Variants in TMLHE observed in about 807,000 individuals in gnomAD.
TMLHE encodes the protein trimethyllysine dioxygenase, mitochondrial.
TMLHE carries 18 observed loss-of-function variants against 25.7 expected under a neutral mutation model. The ratio of observed to expected loss-of-function variants is 0.70; its 90% confidence interval spans 0.48 to 1.04. The LOEUF is 1.04. Ranked by LOEUF, TMLHE falls within the 50% of genes least tolerant of loss-of-function variation. TMLHE has a pLI of 0.00. For missense variants in TMLHE, 236 were observed against 259.0 expected, an observed-to-expected ratio of 0.91 and a Z score of 0.61; for synonymous variants, 105 against 97.0, an observed-to-expected ratio of 1.08 and a Z score of -0.49.
chrX:155,553,809 T>G (rs782058788), intron 1 of TMLHE, among the ~76,000 whole-genome samples: 1 of 110,443 alleles, frequency 9.1e-6, no homozygotes, highest in South Asian at 3.8e-4. Flanking sequence ...TCTTATACAT[T>G]CTTTTACTGT....
chrX:155,585,991 G>A (rs1221861421), intron 1 of TMLHE, among the ~76,000 whole-genome samples: 9 of 111,124 alleles, frequency 8.1e-5, no homozygotes, highest in African/African-American at 2.3e-4. Context: ...TGGGGAGGCC[G>A]AGGCGGGCGG....
At chrX:155,610,157 G>A (rs1156590474) in intron 1 of TMLHE, among the ~76,000 whole-genome samples, 1 of 112,374 alleles carries the variant, frequency 8.9e-6, no homozygotes, top group Non-Finnish European at 1.9e-5. Context: ...CTGATGACTA[G>A]ATAGACAAAA....
intron 2 of TMLHE, among the ~76,000 whole-genome samples, chrX:155,536,852 T>C (rs1383993563): frequency 8.9e-6 from 1 of 112,182 alleles, no homozygotes; most frequent in Non-Finnish European, 1.9e-5. Flanking sequence ...AAGGGAATCT[T>C]CCATCTTTGG....
intron 2 of TMLHE, among the ~76,000 whole-genome samples, chrX:155,529,794 A>G (rs888911664): frequency 8.9e-6 from 1 of 112,088 alleles, no homozygotes; most frequent in Admixed American, 9.5e-5. Context: ...CCTAATCTCT[A>G]GGATATCTTT....
In TMLHE at chrX:155,511,582, T is replaced by A. The variant is rs1179009955; in HGVS notation, c.758+91A>T. ...TACAAATCTGCAGGAGCAGATATGA[T>A]CTTGGTTCGAACAGAATGGAAAATA... On this transcript the variant is annotated intron_variant, in intron 5 of 7. Transcript: ENST00000334398. 16 of 931,677 alleles carry A rather than the reference T, an allele frequency of 1.7e-5. No homozygotes were observed. The African/African-American group carries it at 3.2e-4, about 19-fold the overall frequency. The allele number at this position is 931,677 out of a possible 1,213,427, so 76.8% of individuals were successfully genotyped here.
At chrX:155,560,150 C>G (rs1219850817) in intron 1 of TMLHE, among the ~76,000 whole-genome samples, 3 of 112,173 alleles carry the variant, frequency 2.7e-5, no homozygotes, top group African/African-American at 9.7e-5. Context: ...GTTACATAAT[C>G]TATCTTGCCC....
chrX:155,594,892 A>G (rs1207643544), intron 1 of TMLHE, among the ~76,000 whole-genome samples: 8 of 111,740 alleles, frequency 7.2e-5, no homozygotes, highest in Middle Eastern at 4.6e-3. Context: ...TTTGAACTGC[A>G]TGGGTCCACT....
chrX:155,540,137 T>G (rs2124401378), intron 2 of TMLHE, among the ~76,000 whole-genome samples: 1 of 109,128 alleles, frequency 9.2e-6, no homozygotes, highest in Admixed American at 9.9e-5. Flanking sequence ...TCTGAAGAAA[T>G]GATGGCTGAA....
chrX:155,607,793 T>C (rs2067795615), intron 1 of TMLHE, among the ~76,000 whole-genome samples: 1 of 110,869 alleles, frequency 9.0e-6, no homozygotes, highest in Admixed American at 9.6e-5. Flanking sequence ...AAATAAAAAA[T>C]GCAATCCCAT....
intron 1 of TMLHE, among the ~76,000 whole-genome samples, chrX:155,555,529 T>G (rs2067446008): frequency 9.0e-6 from 1 of 110,637 alleles, no homozygotes; most frequent in South Asian, 3.8e-4. Flanking sequence ...CCACATCCTC[T>G]CCAGCACCTG....
At chrX:155,594,508 G>A (rs781871303) in intron 1 of TMLHE, among the ~76,000 whole-genome samples, 1 of 111,947 alleles carries the variant, frequency 8.9e-6, no homozygotes, top group African/African-American at 3.2e-5. Context: ...TAAAACAGAA[G>A]GCCACTAATT....
chrX:155,512,844 T>C (rs1229801221), intron 4 of TMLHE, among the ~76,000 whole-genome samples: 1 of 112,022 alleles, frequency 8.9e-6, no homozygotes, highest in Non-Finnish European at 1.9e-5. Flanking sequence ...GTACCATTGT[T>C]GTTGTGTCTC....
rs781828989 is a variant in TMLHE, at chrX:155,548,692, G to C, written c.-1-3415C>G. 2.5e-3 allele frequency among the ~76,000 whole-genome samples: 268 copies of C among 107,233 alleles called. 7 individuals carry two copies. Among genetic ancestry groups the C allele is most frequent in the African/African-American group, 9.0e-3 (261 of 28,875 alleles). The allele number at this position is 107,233 out of a possible 115,157, so 93.1% of individuals were successfully genotyped here. A position where few individuals can be genotyped will look rare whatever the true frequency, so the allele number is the denominator to read the frequency against. ...AAAGGTTGCAGTGAGCTGAGATTGT[G>C]CCACTGCACTCCAGCCTGGGCGACA... On this transcript the variant is annotated intron_variant, in intron 1 of 7. Coordinates refer to ENST00000334398, the MANE Select transcript of TMLHE (RefSeq NM_018196.4).
chrX:155,552,326 A>T (rs185734734), intron 1 of TMLHE, among the ~76,000 whole-genome samples: 2 of 109,560 alleles, frequency 1.8e-5, no homozygotes, highest in Admixed American at 9.7e-5. Flanking sequence ...TTCTTTCTTA[A>T]ATTTTGATAG....
chrX:155,543,751 G>C (rs2067326590), intron 2 of TMLHE, among the ~76,000 whole-genome samples: 1 of 112,174 alleles, frequency 8.9e-6, no homozygotes, highest in Non-Finnish European at 1.9e-5. Context: ...TCTTCAAATT[G>C]TGTTATTTCT....
At chrX:155,589,870 C>T (rs1355302081) in intron 1 of TMLHE, among the ~76,000 whole-genome samples, 3 of 111,959 alleles carry the variant, frequency 2.7e-5, no homozygotes, top group African/African-American at 9.7e-5. Context: ...CCATCCTATG[C>T]ATGTAACAAA....
chrX:155,528,134 A>C (rs2067229780), intron 2 of TMLHE, among the ~76,000 whole-genome samples: 2 of 110,462 alleles, frequency 1.8e-5, no homozygotes, highest in South Asian at 7.7e-4. Context: ...GGCTGATTAA[A>C]ATGTGTTTTA....
chrX:155,547,296 C>CCACT (rs2067355234), intron 1 of TMLHE, among the ~76,000 whole-genome samples: 1 of 92,960 alleles, frequency 1.1e-5, no homozygotes, highest in African/African-American at 3.9e-5. Context: ...AGGCACCTGC[C>CCACT]ACCACGCCCG....
intron 1 of TMLHE, among the ~76,000 whole-genome samples, chrX:155,551,579 A>G (rs1557340072): frequency 9.1e-6 from 1 of 109,990 alleles, no homozygotes; most frequent in East Asian, 2.8e-4. Flanking sequence ...AATAAGTTAG[A>G]GAATGTTACC....
Sources: gnomAD v4.1 joint callset for allele counts (sites outside exome capture counted in the v4.1 genomes callset) on GRCh38, gnomAD v4.1.1 for gene constraint, MANE v1.5 for transcripts, NCBI Gene and HGNC (gene_info 2026-07-23, HGNC 2026-07-21) for gene names.